The following HRH1 variants were observed in gnomAD, a reference collection of about 807,000 sequenced individuals.
HRH1 encodes the protein histamine receptor H1.
Under a neutral mutation model 10.3 loss-of-function variants are expected in HRH1, and 6 were observed. The ratio of observed to expected loss-of-function variants is 0.58; its 90% CI spans 0.32 to 1.15. HRH1 has a LOEUF of 1.15. Among genes scored for constraint, HRH1 ranks in the 50% most tolerant of loss-of-function variants. HRH1 has a pLI of 0.05. For missense variants in HRH1, 514 were observed against 615.3 expected (o/e 0.84, Z 1.74); for synonymous variants, 242 against 236.7 (o/e 1.02, Z -0.21).
chr3:11,149,225 A>G (rs1212675353), intron 1 of HRH1, among the ~76,000 whole-genome samples: 1 of 152,218 alleles, frequency 6.6e-6, no homozygotes, highest in Non-Finnish European at 1.5e-5. Flanking sequence ...GGTGCAATCT[A>G]TAGATATATA....
At chr3:11,140,567 G>A (rs777795939) in intron 1 of HRH1, among the ~76,000 whole-genome samples, 7 of 151,924 alleles carry the variant, frequency 4.6e-5, no homozygotes, top group Non-Finnish European at 8.8e-5. Context: ...TCCTCTCCCC[G>A]AAGCCACTTC....
upstream of HRH1, among the ~76,000 whole-genome samples, chr3:11,153,715 T>C (rs1197528670): frequency 6.6e-6 from 1 of 151,766 alleles, no homozygotes; most frequent in Non-Finnish European, 1.5e-5. Context: ...CAAGCTCCCA[T>C]TGCCAGGGAC....
chr3:11,189,862 A>T (rs1463718499), intron 1 of HRH1, among the ~76,000 whole-genome samples: 2 of 152,192 alleles, frequency 1.3e-5, no homozygotes, highest in Non-Finnish European at 2.9e-5. Flanking sequence ...AGGCACAAGA[A>T]TCGCTTCAAC....
chr3:11,138,609 C>T (rs1936231614), intron 1 of HRH1, among the ~76,000 whole-genome samples: 1 of 152,052 alleles, frequency 6.6e-6, no homozygotes, highest in African/African-American at 2.4e-5. Context: ...CGTGGGATTA[C>T]CATATGATCC....
At chr3:11,194,984 T>G (rs1325645875) in intron 1 of HRH1, among the ~76,000 whole-genome samples, 1 of 152,206 alleles carries the variant, frequency 6.6e-6, no homozygotes, top group African/African-American at 2.4e-5. Context: ...ACATCATCAC[T>G]GTGCTTACCA....
intron 1 of HRH1, among the ~76,000 whole-genome samples, chr3:11,233,477 C>T (rs1156283710): frequency 1.3e-5 from 2 of 152,206 alleles, no homozygotes; most frequent in South Asian, 4.1e-4. Flanking sequence ...ACTTAGTTCA[C>T]GTTTCCTCTC....
intron 1 of HRH1, among the ~76,000 whole-genome samples, chr3:11,247,974 G>A (rs1358340668): frequency 1.3e-5 from 2 of 152,064 alleles, no homozygotes; most frequent in South Asian, 2.1e-4. Flanking sequence ...TCCATTTCCC[G>A]AACCATTTCT....
rs567943073 is a variant in HRH1, at chr3:11,183,980, T to C, written c.-36+29426T>C. On this transcript the variant is annotated intron_variant, in intron 1 of 1. Transcript: ENST00000431010. ...CTCAGAGAGGCAGGCGGTGTGATGG[T>C]TTTTGCCATTTCTCCATGCCTGGGA... is the stretch of plus-strand genomic sequence containing the variant. 5.2e-4 allele frequency among the ~76,000 whole-genome samples: 79 copies of C among 150,942 alleles called. 2 individuals carry two copies. The South Asian group carries it at 0.016, about 31-fold the overall frequency.
intron 1 of HRH1, among the ~76,000 whole-genome samples, chr3:11,241,773 T>C (rs1167856716): frequency 1.3e-5 from 2 of 151,618 alleles, no homozygotes; most frequent in Admixed American, 6.6e-5. Context: ...GAGGTGGAGC[T>C]TGCAGTGAGC....
At chr3:11,189,914 C>T (rs982999538) in intron 1 of HRH1, among the ~76,000 whole-genome samples, 12 of 152,114 alleles carry the variant, frequency 7.9e-5, no homozygotes, top group Admixed American at 1.3e-4. Flanking sequence ...CATGCCGCTG[C>T]ACTCCAGCCT....
chr3:11,237,243 G>C (rs1228794966), intron 1 of HRH1, among the ~76,000 whole-genome samples: 1 of 152,182 alleles, frequency 6.6e-6, no homozygotes, highest in South Asian at 2.1e-4. Context: ...TGAAAAAGAG[G>C]ATGATGTATT....
chr3:11,210,241 A>G (rs1203230308), intron 1 of HRH1, among the ~76,000 whole-genome samples: 2 of 152,042 alleles, frequency 1.3e-5, no homozygotes, highest in Non-Finnish European at 2.9e-5. Flanking sequence ...AAAAGATACA[A>G]AAATTAGCTG....
intron 1 of HRH1, among the ~76,000 whole-genome samples, chr3:11,155,478 C>T (rs1936766719): frequency 6.6e-6 from 1 of 152,152 alleles, no homozygotes; most frequent in South Asian, 2.1e-4. Context: ...CACCCCCAGC[C>T]CCCAGTCCTC....
At chr3:11,139,937 AACTTTAT>A (rs1458212376) in intron 1 of HRH1, among the ~76,000 whole-genome samples, 3 of 152,224 alleles carry the variant, frequency 2.0e-5, no homozygotes, top group Admixed American at 6.5e-5. Flanking sequence ...AAAAGCACTG[AACTTTAT>A]ACTTTAAAGT....
intron 1 of HRH1, among the ~76,000 whole-genome samples, chr3:11,247,703 T>C (rs1461266996): frequency 1.3e-5 from 2 of 152,186 alleles, no homozygotes; most frequent in Non-Finnish European, 2.9e-5. Flanking sequence ...TTATCATCTC[T>C]GACAATTTCC....
At chr3:11,186,395 C>G (rs190353507) in intron 1 of HRH1, among the ~76,000 whole-genome samples, 17 of 152,326 alleles carry the variant, frequency 1.1e-4, no homozygotes, top group Admixed American at 5.2e-4. Flanking sequence ...TACCATTGCA[C>G]CTTTGCCCAG....
chr3:11,225,152 T>C (rs917773115), intron 1 of HRH1, among the ~76,000 whole-genome samples: 2 of 152,190 alleles, frequency 1.3e-5, no homozygotes, highest in Non-Finnish European at 2.9e-5. Flanking sequence ...CTGGAACTCA[T>C]TTGTGAGTTC....
At chr3:11,223,604 G>T (rs1938786337) in intron 1 of HRH1, among the ~76,000 whole-genome samples, 1 of 152,216 alleles carries the variant, frequency 6.6e-6, no homozygotes, top group Non-Finnish European at 1.5e-5. Context: ...GGCCTCTGGG[G>T]AGTGTGGGGC....
At chr3:11,202,384 G>C (rs889888603) in intron 1 of HRH1, among the ~76,000 whole-genome samples, 22 of 140,434 alleles carry the variant, frequency 1.6e-4, no homozygotes, top group African/African-American at 5.0e-4. Context: ...CAGCCTGGGT[G>C]ACAGAGCAAG....
Sources: gnomAD v4.1 joint callset for allele counts (sites outside exome capture counted in the v4.1 genomes callset) on GRCh38, gnomAD v4.1.1 for gene constraint, MANE v1.5 for transcripts, NCBI Gene and HGNC (gene_info 2026-07-23, HGNC 2026-07-21) for gene names.